The following EYS variants were observed in gnomAD, a reference collection of about 807,000 sequenced individuals.
EYS encodes the protein EGF-like photoreceptor maintenance factor, also known as protein eyes shut homolog.
EYS carries 250 observed loss-of-function variants against 282.1 expected under a neutral mutation model. The ratio of observed to expected loss-of-function variants is 0.89; its 90% confidence interval spans 0.80 to 0.98. The LOEUF (loss-of-function observed/expected upper bound fraction) is 0.98, where lower values mean the gene tolerates loss of function less well. Ranked by LOEUF, EYS falls within the 50% of genes least tolerant of loss-of-function variation. EYS has a pLI of 0.00. For synonymous variants in EYS, 1,355 were observed against 1,282.9 expected, an observed-to-expected ratio of 1.06 and a Z score of -1.20; for missense variants, 4,016 against 3,709.0, an observed-to-expected ratio of 1.08 and a Z score of -2.15.
At chr6:64,102,701 A>T (rs1772873060) in intron 31 of EYS, among the ~76,000 whole-genome samples, 1 of 152,192 alleles carries the variant, frequency 6.6e-6, no homozygotes. Context: ...TGATTTTTAA[A>T]ATACTACCAA....
chr6:65,005,537 C>T (rs1489571991), intron 13 of EYS, among the ~76,000 whole-genome samples: 1 of 147,384 alleles, frequency 6.8e-6, no homozygotes, highest in Non-Finnish European at 1.5e-5. Flanking sequence ...TAATGTTGGA[C>T]CACTTTCGCT....
chr6:64,931,570 T>G (rs115973033), intron 15 of EYS, among the ~76,000 whole-genome samples: 1,587 of 152,194 alleles, frequency 0.01, 15 homozygotes, highest in African/African-American at 0.037. Context: ...ATCCAGATGA[T>G]TAAAAAGATT....
At chr6:65,357,673 T>C (rs1764542229) in intron 8 of EYS, among the ~76,000 whole-genome samples, 1 of 151,952 alleles carries the variant, frequency 6.6e-6, no homozygotes, top group African/African-American at 2.4e-5. Context: ...AAATATTTAT[T>C]ATATAGACCA....
At chr6:65,118,878 G>A (rs9445469) in intron 12 of EYS, among the ~76,000 whole-genome samples, 4,812 of 87,196 alleles carry the variant, frequency 0.055, 188 homozygotes, top group African/African-American at 0.2. Flanking sequence ...GTTCTTTAAG[G>A]AAAAAAAAAA....
At chr6:65,377,925 C>CA (rs1562134797) in intron 8 of EYS, among the ~76,000 whole-genome samples, 1 of 151,918 alleles carries the variant, frequency 6.6e-6, no homozygotes, top group Admixed American at 6.6e-5. Flanking sequence ...CCCTACCAAC[C>CA]AAAAAAAGCC....
chr6:64,402,332 G>A (rs1165767269), intron 28 of EYS, among the ~76,000 whole-genome samples: 1 of 152,122 alleles, frequency 6.6e-6, no homozygotes, highest in African/African-American at 2.4e-5. Context: ...GCAGAGTTGT[G>A]ATTTATCCAT....
intron 28 of EYS, among the ~76,000 whole-genome samples, chr6:64,409,302 G>A (rs539246087): frequency 6.8e-4 from 103 of 152,230 alleles, no homozygotes; most frequent in African/African-American, 2.3e-3. Flanking sequence ...ATTCCGTTAG[G>A]TATATACCCA....
At chr6:64,860,738 A>C (rs900489090) in intron 19 of EYS, among the ~76,000 whole-genome samples, 4 of 152,180 alleles carry the variant, frequency 2.6e-5, no homozygotes, top group African/African-American at 9.6e-5. Flanking sequence ...TCTGCCACTC[A>C]GTGGGTCCTG....
In EYS at chr6:64,105,896, AT is replaced by A. The variant is rs1189371142; in HGVS notation, c.6425-23895del. On this transcript the variant is annotated intron_variant, in intron 31 of 42. Coordinates refer to ENST00000503581, the MANE Select transcript of EYS (RefSeq NM_001142800.2). ...CAGCTTTCATTTGATTAGTGTTAGCATGGCATATCTGTCTCCATCTCCTTAC... is the reference window on the plus strand; with the variant it reads ...CAGCTTTCATTTGATTAGTGTTAGCAGGCATATCTGTCTCCATCTCCTTAC... Among the ~76,000 whole-genome samples the A allele has an allele frequency of 2.0e-5, 3 of 152,156 alleles. No individual in the cohort carries two copies. In the East Asian group the frequency reaches 5.8e-4, roughly 29 times the overall value.
At chr6:65,274,223 T>C (rs909782049) in intron 12 of EYS, among the ~76,000 whole-genome samples, 21 of 152,168 alleles carry the variant, frequency 1.4e-4, no homozygotes, top group African/African-American at 5.1e-4. Flanking sequence ...CCAGGAAAAC[T>C]GTAAACCAAA....
At position 65,410,547 on chromosome 6, in the gene EYS, C is replaced by A. The variant is rs147941572; in HGVS notation, c.863-5180G>T. Among the ~76,000 whole-genome samples, 1,017 of 151,328 alleles carry A rather than the reference C, an allele frequency of 6.7e-3. 11 individuals are homozygous for A. The highest frequency in any genetic ancestry group is 0.017 in the East Asian group (90 of 5,160). Reference sequence around the variant, plus strand: ...CAAACCTCTACCCATTTTCCCTCTTCCTTCCCCTCCCCAGTCTCTAGTAAC... The same window carrying A: ...CAAACCTCTACCCATTTTCCCTCTTACTTCCCCTCCCCAGTCTCTAGTAAC... On this transcript the variant is annotated intron_variant, in intron 5 of 42. Coordinates refer to ENST00000503581, the MANE Select transcript of EYS (RefSeq NM_001142800.2).
chr6:64,385,011 T>C (rs1297969822), intron 29 of EYS, among the ~76,000 whole-genome samples: 1 of 152,184 alleles, frequency 6.6e-6, no homozygotes, highest in Non-Finnish European at 1.5e-5. Flanking sequence ...GAATCAACTA[T>C]AGTTCTTTTC....
chr6:65,317,777 TCTTCCTTCCTTCCTTC>T (rs911036026), intron 11 of EYS, among the ~76,000 whole-genome samples: 13 of 57,388 alleles, frequency 2.3e-4, no homozygotes, highest in African/African-American at 7.8e-4. Context: ...CTACATTTTC[TCTTCCTTCCTTCCTTC>T]CTTCCTTCCT....
At chr6:64,032,100 A>G (rs1769877102) in intron 33 of EYS, among the ~76,000 whole-genome samples, 1 of 151,376 alleles carries the variant, frequency 6.6e-6, no homozygotes. Context: ...GGAATGAACA[A>G]CTCCAGACGT....
intron 12 of EYS, among the ~76,000 whole-genome samples, chr6:65,191,015 A>G (rs1046887796): frequency 3.3e-5 from 5 of 151,844 alleles, no homozygotes; most frequent in African/African-American, 9.7e-5. Context: ...GGGAAAATTG[A>G]GCTAAATCTA....
At chr6:64,878,874 G>C (rs1425321399) in intron 19 of EYS, among the ~76,000 whole-genome samples, 1 of 151,900 alleles carries the variant, frequency 6.6e-6, no homozygotes, top group Non-Finnish European at 1.5e-5. Flanking sequence ...CAGCCTCTTG[G>C]TCATTGCTCT....
Position 63,941,118 on chromosome 6 carries a change from A to G in EYS, c.7055+43265T>C, listed in dbSNP as rs77103322. 2.0e-3 allele frequency among the ~76,000 whole-genome samples: 303 copies of G among 152,196 alleles called. 6 individuals are homozygous for G. In the East Asian group the frequency reaches 0.052, roughly 26 times the overall value. On this transcript the variant is annotated intron_variant, in intron 35 of 42. Transcript: ENST00000503581. Reference sequence around the variant, plus strand: ...TTTGGGTTGGTTCCAAGTCTTTGCTATTGTGAATAGTGCCGCAATAAACAT... The same window carrying G: ...TTTGGGTTGGTTCCAAGTCTTTGCTGTTGTGAATAGTGCCGCAATAAACAT...
chr6:65,042,849 AT>A (rs2150150140), intron 13 of EYS, among the ~76,000 whole-genome samples: 1 of 151,204 alleles, frequency 6.6e-6, no homozygotes, highest in Non-Finnish European at 1.5e-5. Flanking sequence ...CTTAATATTT[AT>A]TTTATTAAAA....
At position 64,470,924 on chromosome 6, in the gene EYS, A is replaced by G. The variant is rs780770537; in HGVS notation, c.5645-31572T>C. Among the ~76,000 whole-genome samples the G allele has an allele frequency of 5.2e-4, 79 of 152,328 alleles. No homozygotes were observed. In the Middle Eastern group the frequency reaches 0.01, roughly 20 times the overall value. On this transcript the variant is annotated intron_variant, in intron 26 of 42. Coordinates refer to ENST00000503581, the MANE Select transcript of EYS (RefSeq NM_001142800.2). The stretch of plus-strand genomic sequence containing the variant: ...CATAGAAAACCTATTTAACAAAATT[A>G]TAGCTTAAAACTTCCCAAGGCTTCC...
Sources: gnomAD v4.1 joint callset for allele counts (sites outside exome capture counted in the v4.1 genomes callset) on GRCh38, gnomAD v4.1.1 for gene constraint, MANE v1.5 for transcripts, NCBI Gene and HGNC (gene_info 2026-07-23, HGNC 2026-07-21) for gene names.